The following TRIO variants were observed in gnomAD, a reference collection of about 807,000 sequenced individuals.
The protein encoded by TRIO is triple functional domain protein.
In TRIO, 58 loss-of-function variants were observed where a neutral mutation model predicts 351.9. The ratio of observed to expected loss-of-function variants is 0.16; its 90% CI spans 0.13 to 0.21. The LOEUF (loss-of-function observed/expected upper bound fraction) is 0.21, where lower values mean the gene tolerates loss of function less well. TRIO is among the 10% of genes least tolerant of loss of function. The pLI is 1.00. For synonymous variants in TRIO, 1,758 were observed against 1,595.7 expected, an observed-to-expected ratio of 1.10 and a Z score of -2.42; for missense variants, 3,201 against 4,027.8, an observed-to-expected ratio of 0.79 and a Z score of 5.56.
intron 21 of TRIO, 99 bp from the exon 22 acceptor site, chr5:14,387,339 T>C: frequency 1.6e-6 from 2 of 1,268,314 alleles, no homozygotes; most frequent in East Asian, 2.4e-5. Context: ...CCGGTTTTCC[T>C]GTTCAGAGCT....
intron 27 of TRIO, 48 bp from the exon 28 acceptor site, chr5:14,393,990 T>C: frequency 7.9e-7 from 1 of 1,271,930 alleles, no homozygotes; most frequent in Non-Finnish European, 1.1e-6. Context: ...CATGATTTAA[T>C]AGTGTAGCCC....
At chr5:14,422,708 G>A (rs1750281421) in intron 34 of TRIO, among the ~76,000 whole-genome samples, 1 of 152,144 alleles carries the variant, frequency 6.6e-6, no homozygotes. Context: ...AAAATGATTT[G>A]GGAGAGGATA....
intron 49 of TRIO, among the ~76,000 whole-genome samples, chr5:14,494,421 C>T (rs1756724288): frequency 1.3e-5 from 2 of 152,166 alleles, no homozygotes; most frequent in East Asian, 1.9e-4. Context: ...AGTGTCAACA[C>T]GTACTGCTCA....
At position 14,336,730 on chromosome 5, in the gene TRIO, A is replaced by G. The variant is rs1741450563; in HGVS notation, c.2046+3A>G. 3 of 1,613,994 alleles carry G rather than the reference A, an allele frequency of 1.9e-6. No individual in the cohort carries two copies. In the African/African-American group the frequency reaches 4.0e-5, roughly 22 times the overall value. On this transcript the variant is annotated splice_donor_region_variant and intron_variant, in intron 11 of 56. Transcript: ENST00000344204. ...CCTTTCACACCCATGTGAAAGAGGT[A>G]AGGTGCCAGGAGACCAAAATATGAT...
chr5:14,397,257 T>C, intron 29 of TRIO, 103 bp downstream of exon 29: 1 of 840,632 alleles, frequency 1.2e-6, no homozygotes, highest in Non-Finnish European at 1.9e-6. Context: ...TATGTCTCTA[T>C]GTTAGTGGTT....
intron 4 of TRIO, among the ~76,000 whole-genome samples, chr5:14,290,437 A>T (rs1736807887): frequency 6.6e-6 from 1 of 152,216 alleles, no homozygotes; most frequent in Non-Finnish European, 1.5e-5. Flanking sequence ...TCTTGGAAAG[A>T]AATCTCATTT....
intron 1 of TRIO, among the ~76,000 whole-genome samples, chr5:14,192,613 TAAA>T (rs745531150): frequency 1.3e-5 from 2 of 152,272 alleles, no homozygotes; most frequent in East Asian, 1.9e-4. Flanking sequence ...AGGCAGTTGA[TAAA>T]AAGAATATAA....
At chr5:14,375,672 CAGAGGACCCCCAGGAGCTTGAGGA>C (rs1323763226) in intron 19 of TRIO, among the ~76,000 whole-genome samples, 1 of 152,064 alleles carries the variant, frequency 6.6e-6, no homozygotes, top group Non-Finnish European at 1.5e-5. Context: ...ACCACGTGGT[CAGAGGACCCCCAGGAGCTTGAGGA>C]AGCCCCGTAT....
intron 33 of TRIO, among the ~76,000 whole-genome samples, chr5:14,409,850 A>G (rs993907935): frequency 2.0e-5 from 3 of 151,138 alleles, no homozygotes; most frequent in Non-Finnish European, 4.4e-5. Flanking sequence ...AAAAAAAAAA[A>G]AAAGAAATCC....
At chr5:14,168,908 G>A (rs1227001295) in intron 1 of TRIO, among the ~76,000 whole-genome samples, 2 of 152,216 alleles carry the variant, frequency 1.3e-5, no homozygotes, top group Non-Finnish European at 2.9e-5. Context: ...CGCTCCTGGC[G>A]GCAGACCGTA....
intron 42 of TRIO, 96 bp from the exon 43 acceptor site, chr5:14,479,823 C>T (rs1280180692): frequency 1.8e-6 from 2 of 1,083,142 alleles, no homozygotes; most frequent in Admixed American, 4.4e-5. Context: ...GTTACTTTTA[C>T]TGCCAGTGTT....
intron 46 of TRIO, 30 bp downstream of exon 46, chr5:14,482,803 T>G (rs1755629753): frequency 6.7e-7 from 1 of 1,495,232 alleles, no homozygotes; most frequent in Non-Finnish European, 9.0e-7. Context: ...GATTTCTCTG[T>G]GCCAGCGCAT....
intron 34 of TRIO, among the ~76,000 whole-genome samples, chr5:14,438,897 G>T (rs989691599): frequency 6.6e-6 from 1 of 152,190 alleles, no homozygotes; most frequent in East Asian, 1.9e-4. Context: ...CATCTGACAC[G>T]CTCTGCAGTC....
At chr5:14,399,099 C>T (rs181017373) in intron 30 of TRIO, 29 bp downstream of exon 30, 2 of 1,590,932 alleles carry the variant, frequency 1.3e-6, no homozygotes, top group East Asian at 2.2e-5. Flanking sequence ...AATTGTAAGT[C>T]TAAAGGTAAC....
rs755646315 is a variant in TRIO, at chr5:14,363,894, C to A, written c.2554C>A (p.Leu852Ile). 18 of 1,614,068 alleles carry A rather than the reference C, an allele frequency of 1.1e-5. No homozygotes were observed. Among genetic ancestry groups the A allele is most frequent in the Non-Finnish European group, 3.4e-6 (4 of 1,180,048 alleles). The change falls in exon 14 of 57, where the codon CTT becomes ATT. Residue 852 changes from leucine to isoleucine, a missense_variant. This residue lies in a region of TRIO where 363 missense variants were observed against 553.5 expected (regional missense o/e 0.66). Transcript: ENST00000344204. ...TGACGTCATCCACCAAGGGCAAGATCTTCTGCAGTATGTCAATGAGGTCCA... is the reference window on the plus strand; with the variant it reads ...TGACGTCATCCACCAAGGGCAAGATATTCTGCAGTATGTCAATGAGGTCCA... ...TFDVIHQGQD[L>I]LQYVNEVQAS...
At chr5:14,177,672 T>C (rs1789490979) in intron 1 of TRIO, among the ~76,000 whole-genome samples, 1 of 152,204 alleles carries the variant, frequency 6.6e-6, no homozygotes, top group Non-Finnish European at 1.5e-5. Context: ...CAGGACCCCT[T>C]GGAGAGGAAG....
intron 1 of TRIO, among the ~76,000 whole-genome samples, chr5:14,229,062 A>T (rs943594092): frequency 2.0e-5 from 3 of 152,176 alleles, no homozygotes; most frequent in African/African-American, 7.2e-5. Flanking sequence ...CCCTCATAGT[A>T]TTTACATTTG....
rs1268598124 is a variant in TRIO, at chr5:14,331,020, G to T, written c.1854+120G>T. 8 of 1,432,304 alleles carry T rather than the reference G, an allele frequency of 5.6e-6. No homozygotes were observed. The Admixed American group carries it at 1.6e-4, about 29-fold the overall frequency. 88.7% of individuals were successfully genotyped at this position (1,432,304 alleles called of 1,614,324 possible). A position where few individuals can be genotyped will look rare whatever the true frequency, so the allele number is the denominator to read the frequency against. ...GCTCGATGTGTTTGACACCTCAGATGAGGTAAAGGCTCCGATTTCAGAGTG... is the reference window on the plus strand; with the variant it reads ...GCTCGATGTGTTTGACACCTCAGATTAGGTAAAGGCTCCGATTTCAGAGTG... On this transcript the variant is annotated intron_variant, in intron 10 of 56. Transcript: ENST00000344204.
Position 14,246,605 on chromosome 5 carries a change from G to C in TRIO, c.158-24220G>C, listed in dbSNP as rs77429161. Among the ~76,000 whole-genome samples, 852 of 152,308 alleles carry C rather than the reference G, an allele frequency of 5.6e-3. 12 individuals are homozygous for C. The highest frequency in any genetic ancestry group is 0.019 in the African/African-American group (808 of 41,556). On this transcript the variant is annotated intron_variant, in intron 1 of 56. Transcript: ENST00000344204. Reference sequence around the variant, plus strand: ...CCCACTGGAAGCCCTCTTCTTCCCAGCTGAGGCCTGCCCCCTTTCTGTGGG... The same window carrying C: ...CCCACTGGAAGCCCTCTTCTTCCCACCTGAGGCCTGCCCCCTTTCTGTGGG...
Sources: allele counts gnomAD v4.1 joint callset (sites outside exome capture counted in the v4.1 genomes callset), GRCh38; gene constraint gnomAD v4.1.1; regional missense constraint gnomAD v4.1.1; transcripts MANE v1.5; gene names NCBI Gene and HGNC (gene_info 2026-07-23, HGNC 2026-07-21).